The following URM1 variants were observed in gnomAD, a reference collection of about 807,000 sequenced individuals.
URM1 encodes the protein ubiquitin-related modifier 1.
In URM1, 11 loss-of-function variants were observed where a neutral mutation model predicts 17.7. The observed-to-expected ratio is 0.62, with a 90% CI of 0.39 to 1.03. URM1 has a LOEUF of 1.03. Ranked by LOEUF, URM1 falls within the 50% of genes least tolerant of loss-of-function variation. The pLI, the probability that URM1 is intolerant of heterozygous loss-of-function variation, is 0.00. For missense variants in URM1, 128 were observed against 129.2 expected, an observed-to-expected ratio of 0.99 and a Z score of 0.04; for synonymous variants, 48 against 50.6, an observed-to-expected ratio of 0.95 and a Z score of 0.22.
intron 2 of URM1, among the ~76,000 whole-genome samples, chr9:128,383,366 TCTC>T (rs2131297023): frequency 6.6e-6 from 1 of 151,494 alleles, no homozygotes; most frequent in East Asian, 2.0e-4. Flanking sequence ...CTCCACCCCC[TCTC>T]CTCTGTTACT....
intron 2 of URM1, 32 bp downstream of exon 2, chr9:128,378,138 G>A: frequency 6.5e-7 from 1 of 1,526,814 alleles, no homozygotes; most frequent in Non-Finnish European, 9.0e-7. Flanking sequence ...CCCTCTCTTG[G>A]GGCCATTGAA....
At chr9:128,372,309 GCC>G (rs1455260353) in intron 1 of URM1, among the ~76,000 whole-genome samples, 3 of 146,068 alleles carry the variant, frequency 2.1e-5, no homozygotes, top group African/African-American at 8.4e-5. Flanking sequence ...GTGTGTGTGT[GCC>G]TGTGTGTGTG....
At chr9:128,379,065 T>G (rs914689130) in intron 2 of URM1, among the ~76,000 whole-genome samples, 1 of 152,106 alleles carries the variant, frequency 6.6e-6, no homozygotes, top group Non-Finnish European at 1.5e-5. Flanking sequence ...AGCAGTGGGT[T>G]CTAGCAAGGG....
At chr9:128,385,266 T>C (rs375642385) in intron 2 of URM1, among the ~76,000 whole-genome samples, 2 of 152,118 alleles carry the variant, frequency 1.3e-5, no homozygotes, top group East Asian at 3.9e-4. Context: ...CGAGCTTCAC[T>C]GTTTAACACC....
chr9:128,374,646 A>G (rs1588577667), intron 1 of URM1, among the ~76,000 whole-genome samples: 1 of 152,300 alleles, frequency 6.6e-6, no homozygotes, highest in Middle Eastern at 3.4e-3. Flanking sequence ...CCCCATGACA[A>G]TGCTTGCCTT....
chr9:128,390,060 C>G lies in URM1; in HGVS notation c.*326C>G. 1 of 383,820 alleles carries G rather than the reference C, an allele frequency of 2.6e-6. No individual in the cohort carries two copies. The highest frequency in any genetic ancestry group is 4.7e-6 in the Non-Finnish European group (1 of 211,872). The allele number at this position is 383,820 out of a possible 1,614,324, so 23.8% of individuals were successfully genotyped here. On this transcript the variant is annotated 3_prime_UTR_variant, in exon 5 of 5. Coordinates refer to ENST00000372853, the MANE Select transcript of URM1 (RefSeq NM_030914.4). ...TGGCTGCCTTCCACTCCTTGTACCTCAGTCTAAACATGGAGTGGCCGCTGA... is the reference window on the plus strand; with the variant it reads ...TGGCTGCCTTCCACTCCTTGTACCTGAGTCTAAACATGGAGTGGCCGCTGA...
intron 2 of URM1, among the ~76,000 whole-genome samples, chr9:128,382,314 C>T (rs1833169321): frequency 6.6e-6 from 1 of 152,148 alleles, no homozygotes; most frequent in African/African-American, 2.4e-5. Flanking sequence ...AGGCCTCACC[C>T]TGGCACATGT....
chr9:128,377,010 C>T (rs1291690164), intron 1 of URM1, among the ~76,000 whole-genome samples: 1 of 151,936 alleles, frequency 6.6e-6, no homozygotes, highest in African/African-American at 2.4e-5. Context: ...AATAATTTCC[C>T]GGGTGCCTAA....
At chr9:128,376,956 A>G (rs1833086093) in intron 1 of URM1, among the ~76,000 whole-genome samples, 1 of 152,134 alleles carries the variant, frequency 6.6e-6, no homozygotes, top group African/African-American at 2.4e-5. Context: ...ACTGAACTCC[A>G]TGCTGGGTGA....
At chr9:128,388,891 G>A in intron 3 of URM1, 15 of 1,033,448 alleles carry the variant, frequency 1.5e-5, no homozygotes, top group Non-Finnish European at 1.6e-5. Flanking sequence ...CCATGACAGT[G>A]TGGCAAGCAC....
rs1207943215 is a variant in URM1, at chr9:128,376,052, C to G, written c.36-1984C>G. 2.0e-5 allele frequency among the ~76,000 whole-genome samples: 3 copies of G among 151,086 alleles called. No individual in the cohort carries two copies. The East Asian group carries it at 5.8e-4, about 29-fold the overall frequency. ...AAACAAGAGTCGGCAAATTTGGGTA[C>G]TTGATTTTTTTTTTTTCTTTTTAAA... On this transcript the variant is annotated intron_variant, in intron 1 of 4. Transcript: ENST00000372853.
At chr9:128,385,107 C>T (rs1216915295) in intron 2 of URM1, among the ~76,000 whole-genome samples, 1 of 152,164 alleles carries the variant, frequency 6.6e-6, no homozygotes, top group Admixed American at 6.5e-5. Context: ...CGGGAGCAGG[C>T]CCGTTCTCAA....
At chr9:128,381,346 A>G (rs1166872050) in intron 2 of URM1, among the ~76,000 whole-genome samples, 1 of 152,190 alleles carries the variant, frequency 6.6e-6, no homozygotes, top group Non-Finnish European at 1.5e-5. Flanking sequence ...GCATGAGGAG[A>G]ACCAAAGGGT....
intron 1 of URM1, among the ~76,000 whole-genome samples, chr9:128,375,678 G>A (rs1407844761): frequency 1.3e-5 from 2 of 152,124 alleles, no homozygotes; most frequent in East Asian, 3.8e-4. Context: ...TCCCACCTCA[G>A]CCTCCCAAGT....
chr9:128,375,718 C>A (rs1224911970), intron 1 of URM1, among the ~76,000 whole-genome samples: 1 of 151,994 alleles, frequency 6.6e-6, no homozygotes, highest in Non-Finnish European at 1.5e-5. Flanking sequence ...CACCACCATG[C>A]CCACCTAATT....
intron 1 of URM1, among the ~76,000 whole-genome samples, chr9:128,376,592 C>T (rs921441078): frequency 4.0e-5 from 6 of 150,786 alleles, no homozygotes; most frequent in African/African-American, 1.5e-4. Flanking sequence ...ACCCAGGAGG[C>T]GAAGGTTGCA....
intron 2 of URM1, among the ~76,000 whole-genome samples, chr9:128,378,947 CAAA>C (rs397976946): frequency 3.8e-4 from 33 of 86,830 alleles, no homozygotes; most frequent in Admixed American, 5.4e-4. Flanking sequence ...ATTCTGTCAC[CAAA>C]AAAAAAAAAA....
Position 128,378,046 on chromosome 9 carries a change from G to C in URM1, c.46G>C (p.Glu16Gln), listed in dbSNP as rs144117082. The C allele has an allele frequency of 1.3e-4, 203 of 1,612,106 alleles. No individual in the cohort carries two copies. The highest frequency in any genetic ancestry group is 1.7e-4 in the Non-Finnish European group (197 of 1,179,158). Residue 16 changes from glutamate to glutamine, a missense_variant, in exon 2 of 5, where the codon GAG becomes CAG. Glu to Gln is a conservative substitution (Grantham distance 29). Coordinates refer to ENST00000372853, the MANE Select transcript of URM1 (RefSeq NM_030914.4). ...SVEVEFGGGA[E>Q]LLFDGIKKHR... ...GGTCCTCCTTTGCAGAGGTGGTGCGGAGCTCCTGTTTGACGGTATTAAGAA... is the reference window on the plus strand; with the variant it reads ...GGTCCTCCTTTGCAGAGGTGGTGCGCAGCTCCTGTTTGACGGTATTAAGAA...
At chr9:128,389,419 C>G (rs1833274700) in intron 4 of URM1, 110 bp downstream of exon 4, 2 of 1,599,324 alleles carry the variant, frequency 1.3e-6, no homozygotes, top group East Asian at 2.3e-5. Flanking sequence ...AATCCTCCGC[C>G]CCACTCCAGC....
Sources: gnomAD v4.1 joint callset for allele counts (sites outside exome capture counted in the v4.1 genomes callset) on GRCh38, gnomAD v4.1.1 for gene constraint, MANE v1.5 for transcripts, NCBI Gene and HGNC (gene_info 2026-07-23, HGNC 2026-07-21) for gene names.